DNAH3: variants seen among roughly 807,000 people sequenced by gnomAD.
The protein encoded by DNAH3 is dynein axonemal heavy chain 3, also known as axonemal beta dynein heavy chain 3.
A neutral mutation model predicts 432.5 loss-of-function variants in DNAH3; 332 were observed. That is an observed-to-expected ratio of 0.77 (90% CI 0.70 to 0.84). DNAH3 has a LOEUF of 0.84. Among genes scored for constraint, DNAH3 ranks in the 40% least tolerant of loss-of-function variants. DNAH3 has a pLI of 0.00. For synonymous variants in DNAH3, 1,956 were observed against 1,900.2 expected (o/e 1.03, Z -0.76); for missense variants, 4,861 against 5,114.0 (o/e 0.95, Z 1.51).
chr16:21,002,320 A>C (rs1331762907), intron 42 of DNAH3, among the ~76,000 whole-genome samples: 1 of 152,210 alleles, frequency 6.6e-6, no homozygotes, highest in Admixed American at 6.5e-5. Flanking sequence ...TTTTCTAATC[A>C]GAAAACTTAT....
chr16:21,106,795 A>AT (rs1040490560), intron 14 of DNAH3, 121 bp from the exon 15 acceptor site: 122 of 909,438 alleles, frequency 1.3e-4, no homozygotes, highest in South Asian at 1.9e-4. Flanking sequence ...AAAAAAGAAA[A>AT]TTTTTTTTTA....
chr16:21,103,268 CT>C (rs1381630806), intron 16 of DNAH3, among the ~76,000 whole-genome samples: 6 of 147,952 alleles, frequency 4.1e-5, no homozygotes, highest in Non-Finnish European at 5.9e-5. Context: ...CCACTACTTA[CT>C]CATGTAACCA....
chr16:20,985,242 T>C (rs2152669002), exon 48 of DNAH3: 1 of 1,614,230 alleles, frequency 6.2e-7, no homozygotes, highest in Non-Finnish European at 8.5e-7. Flanking sequence ...CCTCCACGAA[T>C]GATTCATCCT....
intron 43 of DNAH3, among the ~76,000 whole-genome samples, chr16:20,998,420 T>C (rs578256619): frequency 6.6e-6 from 1 of 152,056 alleles, no homozygotes; most frequent in Admixed American, 6.6e-5. Context: ...GCCCAGCTAA[T>C]TTTTGTATTT....
intron 7 of DNAH3, 46 bp from the exon 9 acceptor site, chr16:21,127,858 T>G (rs2152817806): frequency 6.2e-7 from 1 of 1,611,068 alleles, no homozygotes; most frequent in East Asian, 2.2e-5. Context: ...GAACGCTTAA[T>G]AACAAATCCC....
At chr16:21,131,512 G>GGAAT (rs2092560526) in intron 7 of DNAH3, among the ~76,000 whole-genome samples, 1 of 147,474 alleles carries the variant, frequency 6.8e-6, no homozygotes, top group South Asian at 2.1e-4. Flanking sequence ...AGAGAAGGAA[G>GGAAT]GAAGGAAGGA....
intron 18 of DNAH3, among the ~76,000 whole-genome samples, chr16:21,088,757 G>A (rs535209553): frequency 6.6e-6 from 1 of 152,250 alleles, no homozygotes; most frequent in South Asian, 2.1e-4. Flanking sequence ...AAATATGGAG[G>A]TTGCAGGAAA....
At position 20,975,193 on chromosome 16, in the gene DNAH3, G is replaced by A. The variant is rs746207879; in HGVS notation, c.8259+40C>T. 3.1e-5 allele frequency: 50 copies of A among 1,605,798 alleles called. No homozygotes were observed. In the South Asian group the frequency reaches 3.7e-4, roughly 12 times the overall value. The stretch of plus-strand genomic sequence containing the variant: ...AAGATGGGTATAACCACGCTCATTC[G>A]GCAGCACCAGTTCCCTCCCTTTCTT... On this transcript the variant is annotated intron_variant, in intron 51 of 61. Transcript: ENST00000261383.
chr16:20,994,885 A>T (rs2152684988), intron 44 of DNAH3, among the ~76,000 whole-genome samples: 1 of 151,656 alleles, frequency 6.6e-6, no homozygotes, highest in South Asian at 2.1e-4. Context: ...ATTTTTTCCT[A>T]CAGCATTATT....
chr16:21,019,782 AAC>A lies in DNAH3; in HGVS notation c.5862_5863del (p.Phe1955SerfsTer21). 6.2e-7 allele frequency: 1 copy of A among 1,614,138 alleles called. No individual in the cohort carries two copies. Among genetic ancestry groups the A allele is most frequent in the Non-Finnish European group, 8.5e-7 (1 of 1,180,026 alleles). On this transcript the variant is annotated frameshift_variant, in exon 41 of 62. Transcript: ENST00000261383. LOFTEE classifies it high-confidence loss of function. ...CACGGTCCACACCAAGGAAAAGAGAAACAGTCCTTGGAGCCAGAGAAAGATCT... is the reference window on the plus strand; with the variant it reads ...CACGGTCCACACCAAGGAAAAGAGAAAGTCCTTGGAGCCAGAGAAAGATCT...
At chr16:20,936,680 G>A in exon 60 of DNAH3, 1 of 1,604,494 alleles carries the variant, frequency 6.2e-7, no homozygotes, top group Non-Finnish European at 8.5e-7. Context: ...CAGCAGGTCA[G>A]CCACGTAGCC....
At chr16:21,028,212 T>A (rs3095918) in intron 37 of DNAH3, among the ~76,000 whole-genome samples, 123,361 of 151,654 alleles carry the variant, frequency 0.81, 50,544 homozygotes, top group African/African-American at 0.91. Flanking sequence ...ATATATTTTT[T>A]AAAATTTTTT....
In DNAH3 at chr16:21,011,063, G is replaced by A. The variant is rs192901130; in HGVS notation, c.6023-7856C>T. Among the ~76,000 whole-genome samples, 378 of 152,188 alleles carry A rather than the reference G, an allele frequency of 2.5e-3. 1 individual carries two copies. Among genetic ancestry groups the A allele is most frequent in the Non-Finnish European group, 4.6e-3 (314 of 68,016 alleles). ...GGGAGGAGATGAGGCCATCGTTGTG[G>A]ACAGGAGATATTATAAGGGAAAATT... On this transcript the variant is annotated intron_variant, in intron 41 of 61. Coordinates refer to ENST00000261383, the Ensembl canonical transcript of DNAH3.
Position 20,955,029 on chromosome 16 carries a change from T to G in DNAH3, c.10855A>C (p.Lys3619Gln), listed in dbSNP as rs147990738. Residue 3619 changes from lysine to glutamine, a missense_variant, in exon 55 of 62, where the codon AAG (lysine) becomes CAG (glutamine). By Grantham distance (53) the Lys-to-Gln change is moderately conservative. Transcript: ENST00000261383. ...TTCTGGAGAATGCTGACTGGAAACT[T>G]CTCTGATGGATAGCTGGTTAGCCAG... 8.7e-6 allele frequency: 14 copies of G among 1,611,782 alleles called. No individual in the cohort carries two copies. The African/African-American group carries it at 1.7e-4, about 20-fold the overall frequency.
chr16:21,120,062 A>G (rs1381405767), intron 11 of DNAH3, among the ~76,000 whole-genome samples: 1 of 138,176 alleles, frequency 7.2e-6, no homozygotes, highest in East Asian at 2.1e-4. Context: ...TATTTACTCT[A>G]TTTTCTATTT....
chr16:21,028,182 A>G (rs1190472093), intron 37 of DNAH3, among the ~76,000 whole-genome samples: 1 of 151,814 alleles, frequency 6.6e-6, no homozygotes, highest in Admixed American at 6.6e-5. Flanking sequence ...TTGTTTTTAG[A>G]TTAAATCAAT....
intron 21 of DNAH3, among the ~76,000 whole-genome samples, chr16:21,073,885 A>G (rs911140403): frequency 6.6e-6 from 1 of 152,134 alleles, no homozygotes; most frequent in Non-Finnish European, 1.5e-5. Context: ...AGGTCTTGCT[A>G]GGCTTCCCAT....
intron 61 of DNAH3, among the ~76,000 whole-genome samples, 189 bp from the exon 62 acceptor site, chr16:20,933,696 G>A (rs569989612): frequency 6.6e-6 from 1 of 152,164 alleles, no homozygotes; most frequent in Admixed American, 6.6e-5. Context: ...CCTGACTCCT[G>A]GTCAGTATGC....
chr16:21,113,994 A>G (rs956805404), intron 12 of DNAH3, among the ~76,000 whole-genome samples: 8 of 152,228 alleles, frequency 5.3e-5, no homozygotes, highest in African/African-American at 1.9e-4. Context: ...TCCTATACAC[A>G]TATATGTATT....
Sources: gnomAD v4.1 joint callset for allele counts (sites outside exome capture counted in the v4.1 genomes callset) on GRCh38, gnomAD v4.1.1 for gene constraint, MANE v1.5 for transcripts, NCBI Gene and HGNC (gene_info 2026-07-23, HGNC 2026-07-21) for gene names.